BANK1: variants seen among roughly 807,000 people sequenced by gnomAD.
BANK1 encodes B-cell scaffold protein with ankyrin repeats.
In BANK1, 95 loss-of-function variants were observed where a neutral mutation model predicts 94.5. The observed-to-expected ratio is 1.00, with a 90% CI of 0.85 to 1.19. The LOEUF (loss-of-function observed/expected upper bound fraction) is 1.19. BANK1 is among the 50% of genes most tolerant of loss of function. The probability of loss-of-function intolerance (pLI) is 0.00; values close to 1 mark genes in which losing one functional copy is unlikely to be tolerated. For synonymous variants in BANK1, 334 were observed against 308.4 expected (o/e 1.08, Z -0.87); for missense variants, 987 against 932.2 (o/e 1.06, Z -0.77).
At chr4:102,071,881 A>G (rs1728773942) in intron 14 of BANK1, among the ~76,000 whole-genome samples, 1 of 152,210 alleles carries the variant, frequency 6.6e-6, no homozygotes, top group Non-Finnish European at 1.5e-5. Flanking sequence ...ACTGACTGTG[A>G]GAATGAAGAA....
chr4:101,821,316 G>A (rs1159912385), intron 1 of BANK1, among the ~76,000 whole-genome samples: 1 of 152,018 alleles, frequency 6.6e-6, no homozygotes, highest in Non-Finnish European at 1.5e-5. Flanking sequence ...TTTTCTCTTG[G>A]AAATGTGTTT....
At chr4:101,893,104 CTAAT>C (rs1157169135) in intron 5 of BANK1, among the ~76,000 whole-genome samples, 4 of 151,912 alleles carry the variant, frequency 2.6e-5, no homozygotes, top group Non-Finnish European at 5.9e-5. Flanking sequence ...ATATTCTTTC[CTAAT>C]TAATTGTCTT....
intron 10 of BANK1, 72 bp downstream of exon 10, chr4:102,030,337 A>T (rs1727254180): frequency 1.4e-6 from 2 of 1,412,122 alleles, no homozygotes; most frequent in Non-Finnish European, 1.9e-6. Context: ...AGGAGGGGAT[A>T]AGGTGATGCA....
At chr4:101,903,537 T>C (rs1578388883) in intron 6 of BANK1, among the ~76,000 whole-genome samples, 1 of 152,280 alleles carries the variant, frequency 6.6e-6, no homozygotes, top group East Asian at 1.9e-4. Context: ...GTTGAAAAAA[T>C]TAGCAAATCT....
chr4:101,933,819 A>G lies in BANK1; in HGVS notation c.1206+15630A>G, dbSNP rs150850164. Among the ~76,000 whole-genome samples, 31 of 151,556 alleles carry G rather than the reference A, an allele frequency of 2.0e-4. 1 individual carries two copies. The East Asian group carries it at 5.9e-3, about 29-fold the overall frequency. On this transcript the variant is annotated intron_variant, in intron 7 of 16. Transcript: ENST00000322953. The stretch of plus-strand genomic sequence containing the variant: ...TATTCAGATCTCATGACAGTGCTGA[A>G]GGGCTACCGAACTGATAGTGCCCTA...
intron 1 of BANK1, among the ~76,000 whole-genome samples, chr4:101,828,660 T>C (rs1050592084): frequency 9.2e-5 from 14 of 152,126 alleles, no homozygotes; most frequent in Admixed American, 7.2e-4. Context: ...TTCATTGTTA[T>C]GCAATATTTT....
At chr4:102,032,236 G>T (rs920367198) in intron 10 of BANK1, 4 of 152,120 alleles carry the variant, frequency 2.6e-5, no homozygotes, top group African/African-American at 4.8e-5. Flanking sequence ...AATGCCTAGG[G>T]AGTTTCTCAG....
chr4:101,959,296 C>T (rs1036071512), intron 7 of BANK1, among the ~76,000 whole-genome samples: 1 of 151,976 alleles, frequency 6.6e-6, no homozygotes, highest in African/African-American at 2.4e-5. Context: ...CCTGCCACCA[C>T]GCCCGGCTAA....
At chr4:101,865,773 A>C (rs1195415285) in intron 4 of BANK1, among the ~76,000 whole-genome samples, 1 of 152,122 alleles carries the variant, frequency 6.6e-6, no homozygotes, top group East Asian at 1.9e-4. Flanking sequence ...GCATAATGAC[A>C]GTGGATTACT....
At chr4:101,823,339 C>T (rs139525770) in intron 1 of BANK1, among the ~76,000 whole-genome samples, 168 of 152,226 alleles carry the variant, frequency 1.1e-3, no homozygotes, top group Admixed American at 1.8e-3. Flanking sequence ...GAAATAATCA[C>T]GTATTTTATG....
At chr4:101,821,869 A>C (rs1239508597) in intron 1 of BANK1, among the ~76,000 whole-genome samples, 1 of 152,146 alleles carries the variant, frequency 6.6e-6, no homozygotes, top group Non-Finnish European at 1.5e-5. Flanking sequence ...GAGTGGGTGG[A>C]GGGCCAATAA....
chr4:101,948,668 A>C (rs1240646050), intron 7 of BANK1, among the ~76,000 whole-genome samples: 1 of 152,088 alleles, frequency 6.6e-6, no homozygotes, highest in Admixed American at 6.6e-5. Context: ...GGTAGACTAG[A>C]GTCTTAGATC....
At chr4:101,869,632 A>C (rs1280178543) in intron 4 of BANK1, among the ~76,000 whole-genome samples, 1 of 151,932 alleles carries the variant, frequency 6.6e-6, no homozygotes, top group Non-Finnish European at 1.5e-5. Context: ...AAAAACTTTT[A>C]AATATTCAAA....
chr4:102,014,731 G>C (rs548730010), intron 7 of BANK1, among the ~76,000 whole-genome samples: 1 of 151,964 alleles, frequency 6.6e-6, no homozygotes, highest in African/African-American at 2.4e-5. Flanking sequence ...AGGTATTTTC[G>C]ACTAATTTAG....
intron 1 of BANK1, among the ~76,000 whole-genome samples, chr4:101,800,854 T>C (rs1434106544): frequency 1.3e-5 from 2 of 152,098 alleles, no homozygotes; most frequent in Admixed American, 1.3e-4. Context: ...ACCTCCTGGG[T>C]TCAAGCGATT....
At chr4:101,807,971 G>C (rs972899430) in intron 1 of BANK1, among the ~76,000 whole-genome samples, 4 of 151,754 alleles carry the variant, frequency 2.6e-5, no homozygotes, top group African/African-American at 9.7e-5. Flanking sequence ...TGTAGTCCCA[G>C]CTACTCGGGA....
At chr4:102,011,943 G>T (rs1346232392) in intron 7 of BANK1, among the ~76,000 whole-genome samples, 1 of 152,090 alleles carries the variant, frequency 6.6e-6, no homozygotes, top group Admixed American at 6.5e-5. Flanking sequence ...AAGGCCTTCT[G>T]ATAACTGATA....
intron 5 of BANK1, among the ~76,000 whole-genome samples, chr4:101,877,824 G>T (rs1276171403): frequency 6.6e-6 from 1 of 152,122 alleles, no homozygotes; most frequent in Non-Finnish European, 1.5e-5. Context: ...GGCAGAGGTT[G>T]CAGTGAGCCA....
intron 11 of BANK1, among the ~76,000 whole-genome samples, chr4:102,045,403 C>A (rs1727846576): frequency 2.0e-5 from 3 of 152,232 alleles, no homozygotes; most frequent in South Asian, 2.1e-4. Flanking sequence ...CCCTCTCTCA[C>A]CACTCCTATT....
Sources: gnomAD v4.1 joint callset for allele counts (sites outside exome capture counted in the v4.1 genomes callset) on GRCh38, gnomAD v4.1.1 for gene constraint, MANE v1.5 for transcripts, NCBI Gene and HGNC (gene_info 2026-07-23, HGNC 2026-07-21) for gene names.